Variants in CEP164 observed in about 807,000 individuals in gnomAD.
The protein encoded by CEP164 is centrosomal protein 164.
CEP164 carries 162 observed loss-of-function variants against 182.7 expected under a neutral mutation model. The observed-to-expected ratio is 0.89, with a 90% confidence interval of 0.78 to 1.01. CEP164 has a LOEUF of 1.01. Ranked by LOEUF, CEP164 falls within the 50% of genes least tolerant of loss-of-function variation. The pLI, the probability that CEP164 is intolerant of heterozygous loss-of-function variation, is 0.00. For synonymous variants in CEP164, 661 were observed against 690.0 expected, an observed-to-expected ratio of 0.96 and a Z score of 0.66; for missense variants, 1,735 against 1,790.4, an observed-to-expected ratio of 0.97 and a Z score of 0.56.
Position 117,411,545 on chromosome 11 carries a change from A to G in CEP164, c.4164-250A>G, listed in dbSNP as rs959242523. Reference sequence around the variant, plus strand: ...TGATGAGATTGGCGGGAGCAGGCGGATGTGGGAGCCCAGAGCCTTGTATCA... The same window carrying G: ...TGATGAGATTGGCGGGAGCAGGCGGGTGTGGGAGCCCAGAGCCTTGTATCA... On this transcript the variant is annotated intron_variant, in intron 31 of 32. Coordinates refer to ENST00000278935, the MANE Select transcript of CEP164 (RefSeq NM_014956.5). This position sits in a 1 kb window ranked among gnomAD's most constrained non-coding sequence, Gnocchi z 4.4. The G allele has an allele frequency of 1.9e-4, 85 of 447,578 alleles. No homozygotes were observed. Among genetic ancestry groups the G allele is most frequent in the Middle Eastern group, 6.5e-4 (1 of 1,530 alleles). 27.7% of individuals were successfully genotyped at this position (447,578 alleles called of 1,614,324 possible).
chr11:117,324,960 G>A (rs1000986508), upstream of CEP164, among the ~76,000 whole-genome samples: 1 of 152,164 alleles, frequency 6.6e-6, no homozygotes, highest in Non-Finnish European at 1.5e-5. Context: ...TAGATATAGG[G>A]ACCAAGTCTA....
At chr11:117,389,224 G>GCA (rs1398809182) in intron 15 of CEP164, among the ~76,000 whole-genome samples, 2 of 152,122 alleles carry the variant, frequency 1.3e-5, no homozygotes, top group South Asian at 2.1e-4. Context: ...TTCCCTGAGC[G>GCA]CACAGCACAC....
At chr11:117,355,838 T>C in intron 5 of CEP164, 1 of 1,069,564 alleles carries the variant, frequency 9.3e-7, no homozygotes, top group Non-Finnish European at 1.1e-6. Flanking sequence ...TCAGGGTCTC[T>C]TGCTAATACC....
Position 117,375,906 on chromosome 11 carries a change from C to T in CEP164, c.1317+115C>T, listed in dbSNP as rs1035952630. ...AGGGTGCATTTCTGTAAGTCCTCTC[C>T]CTTCTAATTCATTAAGGCATGGTCC... On this transcript the variant is annotated intron_variant, in intron 11 of 32. Coordinates refer to ENST00000278935, the MANE Select transcript of CEP164 (RefSeq NM_014956.5). 7.2e-6 allele frequency: 6 copies of T among 830,904 alleles called. No homozygotes were observed. The African/African-American group carries it at 1.0e-4, about 14-fold the overall frequency. 51.5% of individuals were successfully genotyped at this position (830,904 alleles called of 1,614,324 possible). A position where few individuals can be genotyped will look rare whatever the true frequency, so the allele number is the denominator to read the frequency against.
intron 6 of CEP164, 139 bp from the exon 7 acceptor site, chr11:117,362,265 G>A: frequency 1.1e-6 from 1 of 933,602 alleles, no homozygotes; most frequent in Non-Finnish European, 1.6e-6. Flanking sequence ...GATGTGAGCT[G>A]CAGTCGCCAG....
chr11:117,364,990 C>T (rs942218590), intron 8 of CEP164, among the ~76,000 whole-genome samples: 1 of 152,126 alleles, frequency 6.6e-6, no homozygotes, highest in Non-Finnish European at 1.5e-5. Flanking sequence ...TGAGTGGGGC[C>T]TAGTCTGGAA....
chr11:117,410,035 C>G, intron 30 of CEP164, 70 bp downstream of exon 30: 2 of 1,368,684 alleles, frequency 1.5e-6, no homozygotes, highest in Non-Finnish European at 2.1e-6. Context: ...TTTCTTCTAC[C>G]CTCTTTCTCC....
intron 8 of CEP164, among the ~76,000 whole-genome samples, chr11:117,367,617 T>C (rs1165055413): frequency 6.6e-6 from 1 of 152,240 alleles, no homozygotes; most frequent in African/African-American, 2.4e-5. Flanking sequence ...GTTGGTGTGC[T>C]GCACCCATTA....
chr11:117,353,675 G>T (rs1269971678), intron 5 of CEP164, among the ~76,000 whole-genome samples: 3 of 152,172 alleles, frequency 2.0e-5, no homozygotes, highest in Non-Finnish European at 4.4e-5. Flanking sequence ...CAGGACAGGT[G>T]CCTCAAATGT....
At chr11:117,360,005 A>T (rs1369077661) in intron 5 of CEP164, among the ~76,000 whole-genome samples, 1 of 152,184 alleles carries the variant, frequency 6.6e-6, no homozygotes. Flanking sequence ...GAAGGAGAAC[A>T]GGGAAAAGAA....
At position 117,409,343 on chromosome 11, in the gene CEP164, G is replaced by A. The variant is rs1045215626; in HGVS notation, c.3749-275G>A. 8.7e-6 allele frequency: 5 copies of A among 573,712 alleles called. No homozygotes were observed. The Admixed American group carries it at 1.5e-4, about 18-fold the overall frequency. The allele number at this position is 573,712 out of a possible 1,614,324, so 35.5% of individuals were successfully genotyped here. ...CTCTCAGCTGCCCTGGCCTGTATGT[G>A]ACAGAAGGGCCCTCTCCCCTTCCTT... On this transcript the variant is annotated intron_variant, in intron 29 of 32. Coordinates refer to ENST00000278935, the MANE Select transcript of CEP164 (RefSeq NM_014956.5). The surrounding 1 kb of genome is among the most constrained non-coding windows in gnomAD (Gnocchi z 4.4).
intron 26 of CEP164, 111 bp downstream of exon 26, chr11:117,396,722 T>C (rs1035080070): frequency 2.2e-6 from 2 of 891,910 alleles, no homozygotes; most frequent in Non-Finnish European, 3.8e-6. Flanking sequence ...TGATCACCAG[T>C]GGGGCTTAGT....
chr11:117,409,984 G>A lies in CEP164; in HGVS notation c.4096+19G>A, dbSNP rs192829250. 492 of 1,609,710 alleles carry A rather than the reference G, an allele frequency of 3.1e-4. 5 individuals carry two copies. The highest frequency in any genetic ancestry group is 6.2e-5 in the Non-Finnish European group (73 of 1,176,586). On this transcript the variant is annotated intron_variant, in intron 30 of 32. Transcript: ENST00000278935. This position sits in a 1 kb window ranked among gnomAD's most constrained non-coding sequence, Gnocchi z 4.4. ...TTTCCATGTAAGCCCCACTCTGGGCGGAGCCTTCCCACCTGCCTCCTCCTC... is the reference window on the plus strand; with the variant it reads ...TTTCCATGTAAGCCCCACTCTGGGCAGAGCCTTCCCACCTGCCTCCTCCTC...
chr11:117,344,485 A>G (rs939790909), intron 4 of CEP164, among the ~76,000 whole-genome samples: 6 of 152,152 alleles, frequency 3.9e-5, no homozygotes, highest in African/African-American at 9.7e-5. Flanking sequence ...GATGGGGTTC[A>G]ATGCTTATAT....
chr11:117,342,355 T>G (rs2038245600), intron 3 of CEP164, among the ~76,000 whole-genome samples: 1 of 152,270 alleles, frequency 6.6e-6, no homozygotes, highest in South Asian at 2.1e-4. Flanking sequence ...GGTGATGCCC[T>G]TCTGGCCTGG....
intron 27 of CEP164, among the ~76,000 whole-genome samples, chr11:117,398,297 G>A (rs2045729298): frequency 6.6e-6 from 1 of 152,222 alleles, no homozygotes; most frequent in South Asian, 2.1e-4. Flanking sequence ...GCAGGGTACA[G>A]CAATGCAGCC....
At chr11:117,348,072 C>T (rs1484164758) in intron 4 of CEP164, among the ~76,000 whole-genome samples, 2 of 151,940 alleles carry the variant, frequency 1.3e-5, no homozygotes, top group Non-Finnish European at 2.9e-5. Context: ...CGGGTTCAAG[C>T]GATCCTCCCA....
At position 117,390,844 on chromosome 11, in the gene CEP164, C is replaced by A. The variant is rs375310104; in HGVS notation, c.2002C>A (p.Gln668Lys). ...GGCCCGGATGAGAGAGGAGGAAAGC[C>A]AGAGGCTATCCTGGCTCCGAGCTCA... ...EEARMREEES[Q>K]RLSWLRAQVQ... is the part of the protein sequence containing the mutation. The change falls in exon 16 of 33, where the codon CAG (glutamine) becomes AAG (lysine). Residue 668 changes from glutamine to lysine, a missense_variant. Transcript: ENST00000278935. 6.2e-6 allele frequency: 10 copies of A among 1,613,540 alleles called. No homozygotes were observed. In the African/African-American group the frequency reaches 1.2e-4, roughly 19 times the overall value.
In CEP164 at chr11:117,408,995, C is replaced by A; in HGVS notation, c.3715C>A (p.Pro1239Thr). 1 of 1,614,060 alleles carries A rather than the reference C, an allele frequency of 6.2e-7. No homozygotes were observed. ...CAGTGAAAGTTCTGAATCTTTTTCC[C>A]CGCCTCACCGTGAGTGGTGGCGGCA... Reference protein sequence around the residue: ...LSSESSESFSPPHREWWRQQR... With the variant: ...LSSESSESFSTPHREWWRQQR... Residue 1239 changes from proline (P) to threonine (T), a missense_variant, in exon 29 of 33, where the codon CCG becomes ACG. Physicochemically the swap from Pro to Thr is conservative, Grantham distance 38. Transcript: ENST00000278935.
Sources: allele counts gnomAD v4.1 joint callset (sites outside exome capture counted in the v4.1 genomes callset), GRCh38; gene constraint gnomAD v4.1.1; non-coding constraint Gnocchi (gnomAD v3.1); transcripts MANE v1.5; gene names NCBI Gene and HGNC (gene_info 2026-07-23, HGNC 2026-07-21).